Variants in RBFOX3 observed in about 807,000 individuals in gnomAD.
The protein encoded by RBFOX3 is RNA binding fox-1 homolog 3, also known as RNA binding protein fox-1 homolog 3.
RBFOX3 carries 17 observed loss-of-function variants against 48.7 expected under a neutral mutation model. The observed-to-expected ratio is 0.35, with a 90% CI of 0.24 to 0.52. The LOEUF (loss-of-function observed/expected upper bound fraction) is 0.52. Ranked by LOEUF, RBFOX3 falls within the 20% of genes least tolerant of loss-of-function variation. The pLI is 0.94. For synonymous variants in RBFOX3, 212 were observed against 209.5 expected, an observed-to-expected ratio of 1.01 and a Z score of -0.10; for missense variants, 382 against 497.5, an observed-to-expected ratio of 0.77 and a Z score of 2.21.
chr17:79,452,908 G>A lies in RBFOX3; in HGVS notation c.-175+29546C>T, dbSNP rs74002513. On this transcript the variant is annotated intron_variant, in intron 2 of 14. Coordinates refer to ENST00000693108, the MANE Select transcript of RBFOX3 (RefSeq NM_001350451.2). ...GCCAGTGGAGAGGAAGCAGCACCGT[G>A]GTGCCATCCCGCTCACGGCCCCCCG... Among the ~76,000 whole-genome samples the A allele has an allele frequency of 9.8e-3, 1,497 of 152,320 alleles. 25 individuals carry two copies. Among genetic ancestry groups the A allele is most frequent in the African/African-American group, 0.034 (1,434 of 41,576 alleles).
chr17:79,627,924 C>T, the RBFOX3 span, among the ~76,000 whole-genome samples: 3 of 151,636 alleles, frequency 2.0e-5, no homozygotes, highest in Non-Finnish European at 4.4e-5. Context: ...GAGACCCCCA[C>T]GGTCCCCGTC....
At chr17:79,173,578 G>C (rs1344902736) in intron 4 of RBFOX3, among the ~76,000 whole-genome samples, 1 of 152,088 alleles carries the variant, frequency 6.6e-6, no homozygotes, top group Non-Finnish European at 1.5e-5. Flanking sequence ...TGATCTTCCC[G>C]GTCAACCTTC....
chr17:79,439,343 G>T (rs1393742158), intron 2 of RBFOX3, among the ~76,000 whole-genome samples: 1 of 152,238 alleles, frequency 6.6e-6, no homozygotes, highest in Non-Finnish European at 1.5e-5. Context: ...TCGCTCTGTT[G>T]TGTCATTGAT....
chr17:79,096,578 G>A, intron 12 of RBFOX3, 75 bp downstream of exon 12: 1 of 1,310,736 alleles, frequency 7.6e-7, no homozygotes, highest in Non-Finnish European at 1.1e-6. Context: ...GGCAGTGAGA[G>A]AGGAGACGCC....
the RBFOX3 span, among the ~76,000 whole-genome samples, chr17:79,628,486 G>A: frequency 6.6e-6 from 1 of 152,198 alleles, no homozygotes; most frequent in Non-Finnish European, 1.5e-5. Flanking sequence ...ACGTGCCCGG[G>A]TTTAGACTGA....
At chr17:79,454,906 C>A (rs1416696454) in intron 2 of RBFOX3, among the ~76,000 whole-genome samples, 1 of 152,196 alleles carries the variant, frequency 6.6e-6, no homozygotes, top group Non-Finnish European at 1.5e-5. Flanking sequence ...GGGCCCTGCA[C>A]CCAGAGGCAG....
chr17:79,514,588 C>T (rs1443785642), intron 1 of RBFOX3, among the ~76,000 whole-genome samples: 5 of 152,328 alleles, frequency 3.3e-5, no homozygotes, highest in South Asian at 2.1e-4. Flanking sequence ...GGCCACTGCC[C>T]GACAGGCTCT....
the RBFOX3 span, among the ~76,000 whole-genome samples, chr17:79,620,801 C>G: frequency 6.6e-6 from 1 of 152,196 alleles, no homozygotes; most frequent in African/African-American, 2.4e-5. Context: ...CAGAACCTGG[C>G]TCCACCCTCC....
intron 3 of RBFOX3, among the ~76,000 whole-genome samples, chr17:79,276,609 C>T (rs1029873381): frequency 6.6e-6 from 1 of 152,094 alleles, no homozygotes; most frequent in Non-Finnish European, 1.5e-5. Flanking sequence ...CGCTTGAACC[C>T]AGGAGTGAGA....
intron 1 of RBFOX3, among the ~76,000 whole-genome samples, chr17:79,551,148 T>C (rs1393046370): frequency 6.6e-6 from 1 of 152,176 alleles, no homozygotes; most frequent in Admixed American, 6.5e-5. Flanking sequence ...TGGTACTTCC[T>C]GGGAGGCCCT....
At chr17:79,230,593 A>G (rs1306262714) in intron 4 of RBFOX3, among the ~76,000 whole-genome samples, 2 of 152,198 alleles carry the variant, frequency 1.3e-5, no homozygotes, top group African/African-American at 4.8e-5. Flanking sequence ...GTTCCTGAGA[A>G]GAAACGCTGT....
chr17:79,459,769 A>G (rs1316594754), intron 2 of RBFOX3, among the ~76,000 whole-genome samples: 1 of 152,032 alleles, frequency 6.6e-6, no homozygotes, highest in South Asian at 2.1e-4. Flanking sequence ...GGGAGAGGGG[A>G]TTTAAGAGTG....
At position 79,230,339 on chromosome 17, in the gene RBFOX3, T is replaced by A. The variant is rs374795376; in HGVS notation, c.-34+5427A>T. On this transcript the variant is annotated intron_variant, in intron 4 of 14. Coordinates refer to ENST00000693108, the MANE Select transcript of RBFOX3 (RefSeq NM_001350451.2). Reference sequence around the variant, plus strand: ...CAGTGGTACGATCTTGGCTCACTGCTACCTCTGCCTCCTGGGTTCAAGCGA... The same window carrying A: ...CAGTGGTACGATCTTGGCTCACTGCAACCTCTGCCTCCTGGGTTCAAGCGA... Among the ~76,000 whole-genome samples, 90 of 152,230 alleles carry A rather than the reference T, an allele frequency of 5.9e-4. 1 individual carries two copies. Among genetic ancestry groups the A allele is most frequent in the African/African-American group, 2.1e-3 (86 of 41,550 alleles).
chr17:79,163,564 G>A (rs2047393967), intron 4 of RBFOX3, among the ~76,000 whole-genome samples: 1 of 152,236 alleles, frequency 6.6e-6, no homozygotes. Flanking sequence ...TCCCAGAGCT[G>A]GAGGGCAGGA....
intron 2 of RBFOX3, among the ~76,000 whole-genome samples, chr17:79,397,127 C>T (rs1314583872): frequency 6.6e-6 from 1 of 152,202 alleles, no homozygotes; most frequent in South Asian, 2.1e-4. Context: ...CACAGCCCCG[C>T]GGACAGGCAG....
intron 3 of RBFOX3, among the ~76,000 whole-genome samples, chr17:79,239,939 G>A (rs2062124229): frequency 6.6e-6 from 1 of 152,228 alleles, no homozygotes; most frequent in Admixed American, 6.5e-5. Context: ...CACCTGGAGA[G>A]GCCTTTTCTC....
chr17:79,630,922 C>A, the RBFOX3 span, among the ~76,000 whole-genome samples: 1 of 152,142 alleles, frequency 6.6e-6, no homozygotes, highest in South Asian at 2.1e-4. Context: ...CCAGAGCAAG[C>A]AACCCGGAAA....
chr17:79,093,844 C>T (rs1053740851), intron 14 of RBFOX3, among the ~76,000 whole-genome samples: 25 of 151,610 alleles, frequency 1.6e-4, no homozygotes, highest in Non-Finnish European at 3.5e-4. Context: ...CGCCACGCCG[C>T]GCACCTCCCC....
Position 79,511,907 on chromosome 17 carries a change from C to T in RBFOX3, c.-319-29309G>A, listed in dbSNP as rs2084307919. Among the ~76,000 whole-genome samples the T allele has an allele frequency of 2.1e-5, 3 of 145,108 alleles. No homozygotes were observed. The East Asian group carries it at 6.2e-4, about 30-fold the overall frequency. ...TTACCATCGGGTACAGCCCCATGGCCAGGGGACACCCACCCGGATACGTGT... is the reference window on the plus strand; with the variant it reads ...TTACCATCGGGTACAGCCCCATGGCTAGGGGACACCCACCCGGATACGTGT... On this transcript the variant is annotated intron_variant, in intron 1 of 14. Transcript: ENST00000693108.
Sources: gnomAD v4.1 joint callset for allele counts (sites outside exome capture counted in the v4.1 genomes callset) on GRCh38, gnomAD v4.1.1 for gene constraint, MANE v1.5 for transcripts, NCBI Gene and HGNC (gene_info 2026-07-23, HGNC 2026-07-21) for gene names.